The following SVIL variants were observed in gnomAD, a reference collection of about 807,000 sequenced individuals.
SVIL encodes supervillin, also known as archvillin.
In SVIL, 101 loss-of-function variants were observed where a neutral mutation model predicts 240.4. The ratio of observed to expected loss-of-function variants is 0.42; its 90% CI spans 0.36 to 0.50. The LOEUF is 0.50. Among genes scored for constraint, SVIL ranks in the 20% least tolerant of loss-of-function variants. SVIL has a pLI of 0.01. For synonymous variants in SVIL, 999 were observed against 1,100.0 expected, an observed-to-expected ratio of 0.91 and a Z score of 1.82; for missense variants, 2,512 against 2,818.7, an observed-to-expected ratio of 0.89 and a Z score of 2.46.
intron 3 of SVIL, among the ~76,000 whole-genome samples, chr10:29,558,047 A>G (rs1356477776): frequency 6.6e-6 from 1 of 152,158 alleles, no homozygotes; most frequent in Non-Finnish European, 1.5e-5. Context: ...CCCCTTAGGG[A>G]CTGCCCTAAA....
intron 14 of SVIL, 21 bp downstream of exon 14, chr10:29,524,451 A>G (rs761328829): frequency 3.8e-5 from 61 of 1,612,232 alleles, no homozygotes; most frequent in Admixed American, 5.0e-5. Context: ...ACAAACTGCA[A>G]TCGGACTATA....
intron 1 of SVIL, among the ~76,000 whole-genome samples, chr10:29,586,734 TC>T (rs1956181624): frequency 6.6e-6 from 1 of 152,164 alleles, no homozygotes; most frequent in South Asian, 2.1e-4. Context: ...AACTATGTCC[TC>T]TGCAGGGACA....
chr10:29,703,286 G>A (rs1962654568), intron 1 of SVIL, among the ~76,000 whole-genome samples: 2 of 152,114 alleles, frequency 1.3e-5, no homozygotes, highest in South Asian at 2.1e-4. Context: ...CTGGATCACC[G>A]TGAGGGTGAA....
intron 17 of SVIL, among the ~76,000 whole-genome samples, chr10:29,505,316 A>G (rs1181478778): frequency 6.6e-6 from 1 of 152,056 alleles, no homozygotes; most frequent in Non-Finnish European, 1.5e-5. Context: ...ACAGAGTGAA[A>G]CTCCATCTCA....
chr10:29,467,008 TTCC>T (rs1945008311), intron 33 of SVIL, among the ~76,000 whole-genome samples: 1 of 152,062 alleles, frequency 6.6e-6, no homozygotes, highest in Non-Finnish European at 1.5e-5. Flanking sequence ...ATGCCTCAGT[TTCC>T]TCATCTGTAA....
At position 29,735,699 on chromosome 10, in the gene SVIL, C is replaced by G. The variant is rs936950529; in HGVS notation, c.-400+52G>C. 3.3e-5 allele frequency: 5 copies of G among 152,054 alleles called. No individual in the cohort carries two copies. Among genetic ancestry groups the G allele is most frequent in the African/African-American group, 1.2e-4 (5 of 41,396 alleles). The allele number at this position is 152,054 out of a possible 1,614,324, so 9.4% of individuals were successfully genotyped here. On this transcript the variant is annotated intron_variant, in intron 1 of 35. Transcript: ENST00000375400. This position sits in a 1 kb window ranked among gnomAD's most constrained non-coding sequence, Gnocchi z 4.1. ...CGCAGCGGCGCGTCCTGGCGTCTGC[C>G]GGCCCCGGCTCCGCGCGCCCCTCGG...
chr10:29,686,095 T>A (rs374784774), intron 2 of SVIL, among the ~76,000 whole-genome samples: 6 of 152,348 alleles, frequency 3.9e-5, no homozygotes, highest in African/African-American at 1.4e-4. Context: ...TTTTTAACTA[T>A]AAATCCAATC....
At chr10:29,652,949 T>A (rs567198688) in intron 3 of SVIL, among the ~76,000 whole-genome samples, 1 of 152,286 alleles carries the variant, frequency 6.6e-6, no homozygotes, top group Non-Finnish European at 1.5e-5. Flanking sequence ...TTATGACATA[T>A]ATAATTTGCA....
At chr10:29,644,691 A>T (rs1958599067) in intron 3 of SVIL, among the ~76,000 whole-genome samples, 1 of 152,160 alleles carries the variant, frequency 6.6e-6, no homozygotes, top group African/African-American at 2.4e-5. Context: ...AGAAAGAAAG[A>T]GGGAAAGAAA....
rs1951453372 is a variant in SVIL, at chr10:29,532,606, C to T, written c.1761G>A (p.Met587Ile). 2 of 1,613,980 alleles carry T rather than the reference C, an allele frequency of 1.2e-6. No individual in the cohort carries two copies. Among genetic ancestry groups the T allele is most frequent in the African/African-American group, 2.7e-5 (2 of 74,948 alleles). Residue 587 changes from methionine (M) to isoleucine (I), a missense_variant, in exon 8 of 38, where the codon ATG (methionine) becomes ATA (isoleucine). Physicochemically the swap from Met to Ile is conservative, Grantham distance 10. Coordinates refer to ENST00000355867, the MANE Select transcript of SVIL (RefSeq NM_021738.3). ...KTEGPYGEISMLDTKVSVAQL... is the reference protein window; with the variant it reads ...KTEGPYGEISILDTKVSVAQL... ...GGGCGACAGAGACTTTTGTGTCCAG[C>T]ATGCTGATCTCCCCATAAGGCCCTT... is the stretch of plus-strand genomic sequence containing the variant.
rs144268386 is a variant in SVIL at position 29,682,476 on chromosome 10, A to G, written c.-301+4077T>C. 6.3e-3 allele frequency among the ~76,000 whole-genome samples: 962 copies of G among 152,342 alleles called. 5 individuals carry two copies. Among genetic ancestry groups the G allele is most frequent in the Non-Finnish European group, 9.1e-3 (622 of 68,026 alleles). On this transcript the variant is annotated intron_variant, in intron 2 of 35. Coordinates refer to the SVIL transcript ENST00000375400. Reference sequence around the variant, plus strand: ...TGGCATAAAGTAGCAACCAAAACAGAAAGAAATCCTTTTCCTCCTGGAGCT... The same window carrying G: ...TGGCATAAAGTAGCAACCAAAACAGGAAGAAATCCTTTTCCTCCTGGAGCT...
intron 17 of SVIL, among the ~76,000 whole-genome samples, chr10:29,505,547 C>T (rs1450385029): frequency 1.3e-5 from 2 of 152,052 alleles, no homozygotes; most frequent in Non-Finnish European, 2.9e-5. Flanking sequence ...GCAGGCAGAG[C>T]ACAGGGGATC....
intron 1 of SVIL, among the ~76,000 whole-genome samples, chr10:29,592,220 C>G (rs1462280116): frequency 2.6e-5 from 4 of 152,086 alleles, no homozygotes; most frequent in African/African-American, 9.7e-5. Context: ...CCACTGCACT[C>G]CAGCCTGGGC....
rs1943865592 is a variant in SVIL, at chr10:29,458,742, A to T, written c.6403-153T>A. 4.0e-6 allele frequency: 3 copies of T among 745,998 alleles called. No homozygotes were observed. In the South Asian group the frequency reaches 8.0e-5, roughly 20 times the overall value. 46.2% of individuals were successfully genotyped at this position (745,998 alleles called of 1,614,324 possible). On this transcript the variant is annotated intron_variant, in intron 36 of 37. Transcript: ENST00000355867. ...TGAGGAGGAAATGGCTCTGAAAGAA[A>T]AGGGATCGCCCAAAGCCCTGCAGTT...
intron 3 of SVIL, among the ~76,000 whole-genome samples, chr10:29,560,130 T>C (rs1190682314): frequency 6.6e-6 from 1 of 152,214 alleles, no homozygotes; most frequent in Non-Finnish European, 1.5e-5. Context: ...AATATTCTGA[T>C]CTTACTTCCC....
In SVIL at chr10:29,524,511, G is replaced by C. The variant is rs749568402; in HGVS notation, c.2547C>G (p.Arg849=). ...IDTRQRRMNA[R]YQTQPVTLGE... is the part of the protein sequence containing the mutation. The stretch of plus-strand genomic sequence containing the variant: ...CCAGTGTGACTGGCTGAGTTTGATA[G>C]CGAGCGTTCATTCTCCTCTGTCTCG... The change falls in exon 14 of 38, where the codon CGC becomes CGG. Residue 849 remains arginine (R), a synonymous_variant. Transcript: ENST00000355867. 3 of 1,614,078 alleles carry C rather than the reference G, an allele frequency of 1.9e-6. No homozygotes were observed. Among genetic ancestry groups the C allele is most frequent in the Admixed American group, 1.7e-5 (1 of 60,012 alleles).
chr10:29,646,519 C>A (rs574231642), intron 3 of SVIL, among the ~76,000 whole-genome samples: 1 of 152,304 alleles, frequency 6.6e-6, no homozygotes, highest in African/African-American at 2.4e-5. Flanking sequence ...TTCAGCCAGG[C>A]CCTGCCTAAT....
chr10:29,682,097 G>C lies in SVIL; in HGVS notation c.-301+4456C>G, dbSNP rs377586802. ...AGGTCCTAGCATGGACACCCATGCT[G>C]GCTCTGGGCTTTGCATCTCTTCCAA... On this transcript the variant is annotated intron_variant, in intron 2 of 35. Coordinates refer to the SVIL transcript ENST00000375400. 2.6e-5 allele frequency among the ~76,000 whole-genome samples: 4 copies of C among 152,294 alleles called. No homozygotes were observed. In the South Asian group the frequency reaches 8.3e-4, roughly 32 times the overall value.
intron 2 of SVIL, among the ~76,000 whole-genome samples, 184 bp downstream of exon 2, chr10:29,569,071 T>C (rs766453751): frequency 6.6e-6 from 1 of 152,238 alleles, no homozygotes; most frequent in Non-Finnish European, 1.5e-5. Flanking sequence ...GTTCTCCAAA[T>C]AGTTTCCATA....
Sources: gnomAD v4.1 joint callset for allele counts (sites outside exome capture counted in the v4.1 genomes callset) on GRCh38, gnomAD v4.1.1 for gene constraint, Gnocchi (gnomAD v3.1) non-coding constraint, MANE v1.5 for transcripts, NCBI Gene and HGNC (gene_info 2026-07-23, HGNC 2026-07-21) for gene names.